GPBP1: variants seen among roughly 807,000 people sequenced by gnomAD.
The protein encoded by GPBP1 is GC-rich promoter binding protein 1, also known as vasculin.
Under a neutral mutation model 56.5 loss-of-function variants are expected in GPBP1, and 13 were observed. The observed-to-expected ratio is 0.23, with a 90% CI of 0.15 to 0.37. The LOEUF (loss-of-function observed/expected upper bound fraction) is 0.37. GPBP1 is among the 10% of genes least tolerant of loss of function. The pLI is 1.00. For missense variants in GPBP1, 477 were observed against 572.3 expected, an observed-to-expected ratio of 0.83 and a Z score of 1.70; for synonymous variants, 204 against 188.9, an observed-to-expected ratio of 1.08 and a Z score of -0.66.
chr5:57,247,716 A>G (rs76746598), intron 8 of GPBP1, among the ~76,000 whole-genome samples: 2 of 151,886 alleles, frequency 1.3e-5, no homozygotes, highest in South Asian at 2.1e-4. Context: ...ATGGGGGGGA[A>G]TTCCAAACAT....
Position 57,237,934 on chromosome 5 carries a change from ACCCTG to A in GPBP1, c.478+1904_478+1908del, listed in dbSNP as rs1417215934. Among the ~76,000 whole-genome samples, 8 of 152,224 alleles carry A rather than the reference ACCCTG, an allele frequency of 5.3e-5. 1 individual carries two copies. The Middle Eastern group carries it at 0.02, about 388-fold the overall frequency. Reference sequence around the variant, plus strand: ...AACATGATGCCCCAATTTGAGAAATACCCTGCGGGGAATGTAGTTAAGTGATTTAT... The same window carrying A: ...AACATGATGCCCCAATTTGAGAAATACGGGGAATGTAGTTAAGTGATTTAT... On this transcript the variant is annotated intron_variant, in intron 6 of 11. Transcript: ENST00000506184.
intron 2 of GPBP1, among the ~76,000 whole-genome samples, chr5:57,202,523 C>T (rs1434834385): frequency 6.6e-6 from 1 of 152,040 alleles, no homozygotes; most frequent in Non-Finnish European, 1.5e-5. Flanking sequence ...TCCTGACCTG[C>T]AGTGATCAGC....
At chr5:57,227,601 G>A (rs544427999) in intron 3 of GPBP1, among the ~76,000 whole-genome samples, 2 of 152,198 alleles carry the variant, frequency 1.3e-5, no homozygotes, top group Non-Finnish European at 2.9e-5. Context: ...CAAAGACCAA[G>A]CTCTTTATAT....
intron 9 of GPBP1, among the ~76,000 whole-genome samples, chr5:57,250,008 A>G (rs1185504860): frequency 1.9e-5 from 1 of 52,908 alleles, no homozygotes; most frequent in Non-Finnish European, 3.5e-5. Flanking sequence ...ACAAAGTCTC[A>G]CTCTATCACC....
intron 2 of GPBP1, among the ~76,000 whole-genome samples, chr5:57,187,673 A>G (rs1050781402): frequency 1.3e-5 from 2 of 152,184 alleles, no homozygotes; most frequent in African/African-American, 4.8e-5. Flanking sequence ...TGCTCTATAA[A>G]ATAGTGCCTC....
At chr5:57,190,490 G>A (rs1367477276) in intron 2 of GPBP1, among the ~76,000 whole-genome samples, 1 of 151,616 alleles carries the variant, frequency 6.6e-6, no homozygotes, top group Non-Finnish European at 1.5e-5. Flanking sequence ...AGGCTGAGGC[G>A]GGAGAACCAC....
intron 2 of GPBP1, among the ~76,000 whole-genome samples, chr5:57,182,868 A>C (rs1754119399): frequency 6.6e-6 from 1 of 151,958 alleles, no homozygotes; most frequent in Non-Finnish European, 1.5e-5. Context: ...TATTTTGTAG[A>C]GAGAGAGTCT....
chr5:57,229,956 C>T (rs1580049150), intron 3 of GPBP1, among the ~76,000 whole-genome samples: 1 of 150,062 alleles, frequency 6.7e-6, no homozygotes, highest in African/African-American at 2.5e-5. Flanking sequence ...CCGTCCCGTC[C>T]CGTCCCGTCC....
chr5:57,181,989 A>T (rs1397796863), intron 2 of GPBP1, among the ~76,000 whole-genome samples: 1 of 152,036 alleles, frequency 6.6e-6, no homozygotes, highest in Non-Finnish European at 1.5e-5. Context: ...CTTTTTATAT[A>T]CAAGATATGT....
chr5:57,210,262 G>A (rs192824229), intron 2 of GPBP1, among the ~76,000 whole-genome samples: 290 of 152,160 alleles, frequency 1.9e-3, no homozygotes, highest in African/African-American at 6.7e-3. Context: ...TTCAGAACCA[G>A]CTTTCTCCCG....
At chr5:57,229,524 T>G (rs534382939) in intron 3 of GPBP1, among the ~76,000 whole-genome samples, 1 of 152,138 alleles carries the variant, frequency 6.6e-6, no homozygotes, top group Admixed American at 6.6e-5. Context: ...TCTCTTTCCC[T>G]TTCCCTTTCC....
In GPBP1 at chr5:57,185,132, A is replaced by G. The variant is rs181016215; in HGVS notation, c.-58+8732A>G. Among the ~76,000 whole-genome samples the G allele has an allele frequency of 8.9e-4, 135 of 152,242 alleles. 2 individuals carry two copies. Among genetic ancestry groups the G allele is most frequent in the Non-Finnish European group, 1.5e-3 (100 of 68,012 alleles). On this transcript the variant is annotated intron_variant, in intron 2 of 11. Transcript: ENST00000506184. Reference sequence around the variant, plus strand: ...GTGTGGACTTAAGTTTTCATTTCTCATATGAAAATCCCTAGCAGAACTGCC... The same window carrying G: ...GTGTGGACTTAAGTTTTCATTTCTCGTATGAAAATCCCTAGCAGAACTGCC...
intron 4 of GPBP1, 27 bp from the exon 5 acceptor site, chr5:57,231,071 A>G (rs1756436460): frequency 6.3e-7 from 1 of 1,592,236 alleles, no homozygotes; most frequent in South Asian, 1.1e-5. Context: ...CTTTGAATTT[A>G]TATTACTTTG....
chr5:57,196,006 ATT>A (rs1182189437), intron 2 of GPBP1, among the ~76,000 whole-genome samples: 1,963 of 66,990 alleles, frequency 0.029, 59 homozygotes, highest in African/African-American at 0.06. Flanking sequence ...AAAAAAAAAA[ATT>A]TTTTTTTTTT....
rs908119443 is a variant in GPBP1, at chr5:57,241,245, C to T, written c.479-5055C>T. 1.6e-4 allele frequency among the ~76,000 whole-genome samples: 24 copies of T among 152,114 alleles called. 1 individual carries two copies. The highest frequency in any genetic ancestry group is 1.5e-3 in the Admixed American group (23 of 15,262). ...GAGGTGAGGAATTGAAATGTCAACT[C>T]TGAATTATCTGTGTGGCCAATTTAC... On this transcript the variant is annotated intron_variant, in intron 6 of 11. Transcript: ENST00000506184.
intron 1 of GPBP1, among the ~76,000 whole-genome samples, chr5:57,175,101 TG>T (rs895222138): frequency 6.6e-6 from 1 of 152,246 alleles, no homozygotes; most frequent in Non-Finnish European, 1.5e-5. Flanking sequence ...GGAGATCTTT[TG>T]TAAGATTATG....
At chr5:57,241,191 A>G (rs1356222144) in intron 6 of GPBP1, among the ~76,000 whole-genome samples, 3 of 152,192 alleles carry the variant, frequency 2.0e-5, no homozygotes, top group Non-Finnish European at 4.4e-5. Context: ...TGTAGAAGGT[A>G]GCTATATGGA....
At chr5:57,256,691 A>AT (rs1331444862) in intron 10 of GPBP1, among the ~76,000 whole-genome samples, 2 of 152,218 alleles carry the variant, frequency 1.3e-5, no homozygotes, top group African/African-American at 4.8e-5. Flanking sequence ...GGATAGTTTT[A>AT]TAGAAATGTT....
Position 57,176,101 on chromosome 5 carries a change from G to C in GPBP1, c.-357G>C. ...TCTTTTTGTTTTTGCTTTTTGGCTC[G>C]TAAATTGGATATTTCATCTGGAGTG... On this transcript the variant is annotated 5_prime_UTR_variant, in exon 2 of 12. Transcript: ENST00000506184. 1.5e-5 allele frequency: 6 copies of C among 398,026 alleles called. No individual in the cohort carries two copies. Among genetic ancestry groups the C allele is most frequent in the Non-Finnish European group, 2.7e-5 (6 of 225,780 alleles). 24.7% of individuals were successfully genotyped at this position (398,026 alleles called of 1,614,324 possible). A position where few individuals can be genotyped will look rare whatever the true frequency, so the allele number is the denominator to read the frequency against.
Sources: gnomAD v4.1 joint callset for allele counts (sites outside exome capture counted in the v4.1 genomes callset) on GRCh38, gnomAD v4.1.1 for gene constraint, MANE v1.5 for transcripts, NCBI Gene and HGNC (gene_info 2026-07-23, HGNC 2026-07-21) for gene names.